PRKCZ: variants seen among roughly 807,000 people sequenced by gnomAD.
PRKCZ encodes protein kinase C zeta type.
Under a neutral mutation model 79.5 loss-of-function variants are expected in PRKCZ, and 33 were observed. The ratio of observed to expected loss-of-function variants is 0.41; its 90% CI spans 0.31 to 0.55. The LOEUF is 0.55. PRKCZ is among the 20% of genes least tolerant of loss of function. The pLI, the probability that PRKCZ is intolerant of heterozygous loss-of-function variation, is 0.19. For missense variants in PRKCZ, 578 were observed against 813.5 expected, an observed-to-expected ratio of 0.71 and a Z score of 3.52; for synonymous variants, 342 against 320.9, an observed-to-expected ratio of 1.07 and a Z score of -0.70.
At chr1:2,151,642 T>C (rs1679927317) in intron 9 of PRKCZ, among the ~76,000 whole-genome samples, 1 of 152,192 alleles carries the variant, frequency 6.6e-6, no homozygotes, top group Non-Finnish European at 1.5e-5. Flanking sequence ...GTTTGTTGAT[T>C]ATAGGATCAA....
At chr1:2,137,615 C>A (rs1676484188) in intron 5 of PRKCZ, among the ~76,000 whole-genome samples, 1 of 152,228 alleles carries the variant, frequency 6.6e-6, no homozygotes, top group Admixed American at 6.5e-5. Context: ...TTCTGTCATT[C>A]TGCATGACGG....
chr1:2,107,659 T>C (rs1668823172), intron 4 of PRKCZ, among the ~76,000 whole-genome samples: 2 of 152,064 alleles, frequency 1.3e-5, no homozygotes, highest in Non-Finnish European at 2.9e-5. Flanking sequence ...CAGGCCTTCT[T>C]TTAACACTGA....
chr1:2,058,282 C>A (rs145250688), intron 3 of PRKCZ, among the ~76,000 whole-genome samples: 2 of 150,290 alleles, frequency 1.3e-5, no homozygotes, highest in Non-Finnish European at 3.0e-5. Context: ...GGATTACAGG[C>A]GTGAGCCACG....
chr1:2,049,615 T>G (rs1659474740), upstream of PRKCZ: 1 of 152,430 alleles, frequency 6.6e-6, no homozygotes, highest in Non-Finnish European at 1.5e-5. Context: ...CTGGGTGAGG[T>G]CCTGCAGGCA....
At chr1:2,169,655 G>A (rs566815119) in intron 11 of PRKCZ, 51 bp downstream of exon 11, 1 of 1,365,438 alleles carries the variant, frequency 7.3e-7, no homozygotes, top group African/African-American at 1.5e-5. Context: ...TTGGGGATGG[G>A]TGGGTGCGTG....
intron 4 of PRKCZ, among the ~76,000 whole-genome samples, chr1:2,090,790 T>C (rs1665363809): frequency 6.6e-6 from 1 of 152,236 alleles, no homozygotes; most frequent in African/African-American, 2.4e-5. Flanking sequence ...CCATGGATCC[T>C]GGTTGTGGGT....
chr1:2,069,554 T>G (rs554231148), intron 4 of PRKCZ, among the ~76,000 whole-genome samples: 2 of 151,998 alleles, frequency 1.3e-5, no homozygotes, highest in East Asian at 3.9e-4. Context: ...TTGGAGCGAG[T>G]GTTGATACCT....
At chr1:2,106,911 C>T (rs1312698255) in intron 4 of PRKCZ, among the ~76,000 whole-genome samples, 1 of 151,644 alleles carries the variant, frequency 6.6e-6, no homozygotes, top group Non-Finnish European at 1.5e-5. Flanking sequence ...TCTCAGCAAG[C>T]CCCTCCGGTG....
chr1:2,123,358 C>T (rs1411725364), intron 4 of PRKCZ, among the ~76,000 whole-genome samples: 1 of 4,686 alleles, frequency 2.1e-4, no homozygotes, highest in Admixed American at 3.9e-3. Context: ...TGGTTAGGGT[C>T]GTGGTGGTTA....
At chr1:2,085,926 G>A (rs560581072) in intron 4 of PRKCZ, among the ~76,000 whole-genome samples, 3 of 152,070 alleles carry the variant, frequency 2.0e-5, no homozygotes, top group Non-Finnish European at 4.4e-5. Flanking sequence ...TCTTTCTCTC[G>A]CTCCCTTCTC....
intron 4 of PRKCZ, among the ~76,000 whole-genome samples, chr1:2,107,906 CAG>C (rs920380270): frequency 2.7e-5 from 4 of 150,766 alleles, no homozygotes; most frequent in African/African-American, 9.8e-5. Flanking sequence ...CCCCCCAGGG[CAG>C]TGTCGGGAGC....
chr1:2,177,675 G>C lies in PRKCZ; in HGVS notation c.1575+2362G>C, dbSNP rs1053349069. On this transcript the variant is annotated intron_variant, in intron 16 of 17. Coordinates refer to ENST00000378567, the MANE Select transcript of PRKCZ (RefSeq NM_002744.6). This position sits in a 1 kb window ranked among gnomAD's most constrained non-coding sequence, Gnocchi z 6.4. The stretch of plus-strand genomic sequence containing the variant: ...TGCGTCCCTGCAGCGAGCACGCCAG[G>C]TGATCTCTGGCACACACTTGCCGCG... 6.6e-6 allele frequency among the ~76,000 whole-genome samples: 1 copy of C among 152,192 alleles called. No individual in the cohort carries two copies. The highest frequency in any genetic ancestry group is 1.5e-5 in the Non-Finnish European group (1 of 68,030).
chr1:2,057,259 T>C (rs1013412872), intron 3 of PRKCZ, among the ~76,000 whole-genome samples: 5 of 152,184 alleles, frequency 3.3e-5, no homozygotes, highest in Admixed American at 1.3e-4. Context: ...GAGATGTGAT[T>C]GTGATCATTT....
At chr1:2,088,441 T>G (rs1470134476) in intron 4 of PRKCZ, among the ~76,000 whole-genome samples, 1 of 152,164 alleles carries the variant, frequency 6.6e-6, no homozygotes, top group African/African-American at 2.4e-5. Context: ...CTGAAAATGG[T>G]GCCTGGGACC....
Position 2,160,720 on chromosome 1 carries a change from G to T in PRKCZ, c.974+4628G>T, listed in dbSNP as rs149902674. On this transcript the variant is annotated intron_variant, in intron 10 of 17. Coordinates refer to ENST00000378567, the MANE Select transcript of PRKCZ (RefSeq NM_002744.6). Reference sequence around the variant, plus strand: ...AAGCCTTAGGGGGTGGGGAGGAGGGGCCTGTCCCCATGTGGGGGAGTCACC... The same window carrying T: ...AAGCCTTAGGGGGTGGGGAGGAGGGTCCTGTCCCCATGTGGGGGAGTCACC... 1.8e-3 allele frequency among the ~76,000 whole-genome samples: 269 copies of T among 152,266 alleles called. 1 individual carries two copies. Among genetic ancestry groups the T allele is most frequent in the African/African-American group, 6.1e-3 (253 of 41,556 alleles).
At position 2,055,468 on chromosome 1, in the gene PRKCZ, C is replaced by T. The variant is rs758724411; in HGVS notation, c.99C>T (p.Ala33=). The change falls in exon 2 of 18, where the codon GCC becomes GCT. Residue 33 remains alanine, a synonymous_variant. Transcript: ENST00000378567. ...ACATCTTCATCACCAGCGTGGACGC[C>T]GCCACGACCTTCGAGGAGCTCTGTG... ...GGDIFITSVD[A]ATTFEELCEE... The T allele has an allele frequency of 1.2e-4, 189 of 1,613,716 alleles. 1 individual carries two copies. In the South Asian group the frequency reaches 1.3e-3, roughly 11 times the overall value.
intron 16 of PRKCZ, among the ~76,000 whole-genome samples, chr1:2,181,016 G>A (rs576776868): frequency 3.2e-4 from 49 of 152,270 alleles, no homozygotes; most frequent in African/African-American, 1.2e-3. Flanking sequence ...CGTGGGGCTC[G>A]TCCATTCTGT....
chr1:2,086,627 G>A (rs1206726198), intron 4 of PRKCZ, among the ~76,000 whole-genome samples: 2 of 152,214 alleles, frequency 1.3e-5, no homozygotes, highest in Non-Finnish European at 2.9e-5. Context: ...TTCGGAGGAG[G>A]GTGGACTTCA....
chr1:2,156,943 G>T (rs1681174536), intron 10 of PRKCZ, among the ~76,000 whole-genome samples: 1 of 152,170 alleles, frequency 6.6e-6, no homozygotes, highest in Non-Finnish European at 1.5e-5. Context: ...TGTGTAAAGA[G>T]ATTTATTATA....
Sources: allele counts gnomAD v4.1 joint callset (sites outside exome capture counted in the v4.1 genomes callset), GRCh38; gene constraint gnomAD v4.1.1; non-coding constraint Gnocchi (gnomAD v3.1); transcripts MANE v1.5; gene names NCBI Gene and HGNC (gene_info 2026-07-23, HGNC 2026-07-21).